ST7L: variants seen among roughly 807,000 people sequenced by gnomAD.
The protein encoded by ST7L is suppressor of tumorigenicity 7 protein-like.
ST7L carries 57 observed loss-of-function variants against 72.5 expected under a neutral mutation model. The ratio of observed to expected loss-of-function variants is 0.79; its 90% CI spans 0.64 to 0.98. The LOEUF is 0.98. ST7L is among the 50% of genes least tolerant of loss of function. ST7L has a pLI of 0.00. For synonymous variants in ST7L, 221 were observed against 240.9 expected (o/e 0.92, Z 0.77); for missense variants, 576 against 672.2 (o/e 0.86, Z 1.58).
At chr1:112,577,172 GA>G in intron 10 of ST7L, 84 bp from the exon 11 acceptor site, 1 of 723,182 alleles carries the variant, frequency 1.4e-6, no homozygotes. Context: ...ACAGCCCCTT[GA>G]ATCAAAAGAA....
rs1431627037 is a variant in ST7L at position 112,600,410 on chromosome 1, CTTTCT to C, written c.506+379_506+383del. 5.9e-5 allele frequency among the ~76,000 whole-genome samples: 9 copies of C among 151,908 alleles called. No individual in the cohort carries two copies. The East Asian group carries it at 1.7e-3, about 29-fold the overall frequency. On this transcript the variant is annotated intron_variant, in intron 4 of 14. Transcript: ENST00000358039. ...GAGTAGCGATTCTTTTATTCCTTTCCTTTCTTAATAAACTGGCTTTCACTTAAAAA... is the reference window on the plus strand; with the variant it reads ...GAGTAGCGATTCTTTTATTCCTTTCCTAATAAACTGGCTTTCACTTAAAAA...
At chr1:112,563,013 G>A (rs59771513) in intron 11 of ST7L, among the ~76,000 whole-genome samples, 115 of 152,208 alleles carry the variant, frequency 7.6e-4, no homozygotes, top group African/African-American at 2.6e-3. Context: ...CAGAGAAGTA[G>A]AATTGGGAGG....
In ST7L at chr1:112,568,844, T is replaced by TTATAAA. The variant is rs1337407906; in HGVS notation, c.1245+8136_1245+8141dup. Among the ~76,000 whole-genome samples, 466 of 101,884 alleles carry TTATAAA rather than the reference T, an allele frequency of 4.6e-3. 2 individuals are homozygous for TTATAAA. Among genetic ancestry groups the TTATAAA allele is most frequent in the African/African-American group, 0.013 (372 of 29,174 alleles). 66.8% of individuals were successfully genotyped at this position (101,884 alleles called of 152,430 possible). ...GGGCAACATAGGGAGACCCTGTTTT[T>TTATAAA]TATAAATATAAATATAAATATATAT... On this transcript the variant is annotated intron_variant, in intron 11 of 14. Transcript: ENST00000358039.
At chr1:112,520,459 G>A (rs111919963), downstream of ST7L, 10 of 1,614,022 alleles carry the variant, frequency 6.2e-6, no homozygotes, top group African/African-American at 2.7e-5. Flanking sequence ...TACTGTGGAC[G>A]TCCATACTTG....
At chr1:112,587,963 T>A (rs1318864431) in intron 6 of ST7L, among the ~76,000 whole-genome samples, 1 of 152,200 alleles carries the variant, frequency 6.6e-6, no homozygotes, top group African/African-American at 2.4e-5. Flanking sequence ...GTCTTTTGAT[T>A]TATTTATTTA....
intron 11 of ST7L, among the ~76,000 whole-genome samples, chr1:112,571,680 C>A (rs921310265): frequency 6.6e-6 from 1 of 152,216 alleles, no homozygotes; most frequent in Non-Finnish European, 1.5e-5. Context: ...CCCGCTTCGG[C>A]CTCCCAAAGG....
chr1:112,527,457 T>G lies in ST7L; in HGVS notation c.1630-1346A>C, dbSNP rs188334139. ...CTAAAGAATTCCATTGCTCACCTCC[T>G]GCATAGCAGCACAGCCCCATGAGGC... is the stretch of plus-strand genomic sequence containing the variant. On this transcript the variant is annotated intron_variant, in intron 14 of 14. Coordinates refer to ENST00000358039, the MANE Select transcript of ST7L (RefSeq NM_017744.5). 989 of 152,816 alleles carry G rather than the reference T, an allele frequency of 6.5e-3. 5 individuals are homozygous for G. Among genetic ancestry groups the G allele is most frequent in the Non-Finnish European group, 9.5e-3 (644 of 68,068 alleles). The allele number at this position is 152,816 out of a possible 1,614,324, so 9.5% of individuals were successfully genotyped here.
At chr1:112,568,546 A>G (rs893771502) in intron 11 of ST7L, among the ~76,000 whole-genome samples, 2 of 151,228 alleles carry the variant, frequency 1.3e-5, no homozygotes, top group Non-Finnish European at 2.9e-5. Flanking sequence ...CGTGTTAGCC[A>G]GGATGGTCTC....
intron 13 of ST7L, 109 bp downstream of exon 13, chr1:112,550,492 A>T: frequency 2.7e-6 from 2 of 743,718 alleles, no homozygotes; most frequent in Non-Finnish European, 4.4e-6. Flanking sequence ...AATAGTATTT[A>T]AACAGTGTCC....
At chr1:112,579,464 G>C (rs1033442428) in intron 9 of ST7L, among the ~76,000 whole-genome samples, 1 of 149,726 alleles carries the variant, frequency 6.7e-6, no homozygotes, top group African/African-American at 2.4e-5. Flanking sequence ...TTAGAACTAT[G>C]TAAAACCTTC....
chr1:112,616,759 A>G, intron 2 of ST7L, 54 bp downstream of exon 2: 2 of 1,384,970 alleles, frequency 1.4e-6, no homozygotes, highest in Non-Finnish European at 2.0e-6. Flanking sequence ...GAAAAAAAAA[A>G]AATATCTTTA....
intron 14 of ST7L, among the ~76,000 whole-genome samples, chr1:112,537,561 A>G (rs1655417332): frequency 2.0e-5 from 3 of 152,238 alleles, no homozygotes; most frequent in Admixed American, 2.0e-4. Context: ...TCAGATAAGC[A>G]GAATCAGATT....
chr1:112,554,239 G>A (rs1658725032), intron 12 of ST7L, among the ~76,000 whole-genome samples: 1 of 152,040 alleles, frequency 6.6e-6, no homozygotes, highest in Admixed American at 6.6e-5. Context: ...TTTTAATTAA[G>A]CTTCTTTACT....
At chr1:112,576,046 T>C (rs1012689538) in intron 11 of ST7L, among the ~76,000 whole-genome samples, 1 of 152,208 alleles carries the variant, frequency 6.6e-6, no homozygotes, top group African/African-American at 2.4e-5. Flanking sequence ...AGGGCATCTA[T>C]TCTTGAATTG....
intron 3 of ST7L, among the ~76,000 whole-genome samples, chr1:112,605,156 C>T (rs941590369): frequency 6.7e-6 from 1 of 150,088 alleles, no homozygotes; most frequent in African/African-American, 2.5e-5. Flanking sequence ...CTTTGGGAGA[C>T]CAAGGCGGGT....
chr1:112,550,594 T>C lies in ST7L; in HGVS notation c.1489+7A>G, dbSNP rs761065689. ...TTAAGTTTAAGAAAACTAAAATATT[T>C]ACTTACTAGGTAATAGCTCTCTATC... is the stretch of plus-strand genomic sequence containing the variant. On this transcript the variant is annotated splice_region_variant and intron_variant, in intron 13 of 14. Coordinates refer to ENST00000358039, the MANE Select transcript of ST7L (RefSeq NM_017744.5). The C allele has an allele frequency of 6.2e-7, 1 of 1,601,636 alleles. No individual in the cohort carries two copies. Among genetic ancestry groups the C allele is most frequent in the South Asian group, 1.1e-5 (1 of 90,196 alleles).
downstream of ST7L, among the ~76,000 whole-genome samples, chr1:112,519,051 T>G (rs1054451867): frequency 7.9e-5 from 12 of 152,260 alleles, no homozygotes; most frequent in African/African-American, 2.9e-4. Flanking sequence ...ACAGCACAGC[T>G]CCACAGTGTA....
chr1:112,556,012 A>G lies in ST7L; in HGVS notation c.1252T>C (p.Leu418=), dbSNP rs1313040988. ...GGTAAAATTAAACTTTTCATCTCTA[A>G]TAAATACTGAAAGAGTAACACACAG... ...EFNPHVPKYL[L]EMKSLILPPE... Residue 418 remains leucine (L), a synonymous_variant, in exon 12 of 15, where the codon TTA becomes CTA. Transcript: ENST00000358039. 6.3e-6 allele frequency: 10 copies of G among 1,598,052 alleles called. No homozygotes were observed. In the East Asian group the frequency reaches 9.0e-5, roughly 14 times the overall value.
intron 3 of ST7L, among the ~76,000 whole-genome samples, chr1:112,605,178 T>A (rs1668031121): frequency 6.9e-6 from 1 of 144,934 alleles, no homozygotes; most frequent in Admixed American, 6.9e-5. Context: ...GATCAAGAGA[T>A]GAGAAGTTCA....
Sources: gnomAD v4.1 joint callset for allele counts (sites outside exome capture counted in the v4.1 genomes callset) on GRCh38, gnomAD v4.1.1 for gene constraint, MANE v1.5 for transcripts, NCBI Gene and HGNC (gene_info 2026-07-23, HGNC 2026-07-21) for gene names.